SLC35D4: variants seen among roughly 807,000 people sequenced by gnomAD.
The protein encoded by SLC35D4 is UDP-N-acetylglucosamine transporter SLC35D4.
the SLC35D4 span, among the ~76,000 whole-genome samples, chr18:23,303,661 G>A: frequency 3.3e-5 from 5 of 152,380 alleles, 1 homozygote; most frequent in South Asian, 6.2e-4. Flanking sequence ...AGCACTTTGG[G>A]AGGCTGAGGT....
At chr18:23,336,442 T>A in the SLC35D4 span, among the ~76,000 whole-genome samples, 1 of 152,208 alleles carries the variant, frequency 6.6e-6, no homozygotes, top group African/African-American at 2.4e-5. Flanking sequence ...ATTATTCTTA[T>A]TGCCATAGCC....
the SLC35D4 span, among the ~76,000 whole-genome samples, chr18:23,322,174 C>T: frequency 6.6e-6 from 1 of 152,240 alleles, no homozygotes; most frequent in South Asian, 2.1e-4. Context: ...CACACAGTCT[C>T]TTCTCTTGAA....
At chr18:23,354,639 C>A in the SLC35D4 span, among the ~76,000 whole-genome samples, 4 of 152,128 alleles carry the variant, frequency 2.6e-5, no homozygotes, top group Non-Finnish European at 5.9e-5. Flanking sequence ...AAGGAAGTAA[C>A]AACTTCACAG....
the SLC35D4 span, among the ~76,000 whole-genome samples, chr18:23,375,298 CAGTATTT>C: frequency 6.6e-6 from 1 of 151,980 alleles, no homozygotes; most frequent in East Asian, 1.9e-4. Context: ...TTAGGAGACA[CAGTATTT>C]AGTATTTAGA....
the SLC35D4 span, among the ~76,000 whole-genome samples, chr18:23,310,560 G>A: frequency 6.6e-6 from 1 of 152,144 alleles, no homozygotes; most frequent in South Asian, 2.1e-4. Flanking sequence ...CTTCCATGGG[G>A]AAGGTAAGCT....
At chr18:23,315,885 A>C in the SLC35D4 span, among the ~76,000 whole-genome samples, 590 of 152,352 alleles carry the variant, frequency 3.9e-3, 6 homozygotes, top group African/African-American at 0.013. Flanking sequence ...GGTTGGAAGA[A>C]GGAAGGAACA....
the SLC35D4 span, among the ~76,000 whole-genome samples, chr18:23,371,945 T>G: frequency 6.8e-5 from 5 of 73,326 alleles, no homozygotes; most frequent in Admixed American, 1.5e-4. Context: ...GTTTTTTTTT[T>G]TTTTTTTTGA....
chr18:23,320,443 T>C, the SLC35D4 span, among the ~76,000 whole-genome samples: 2,480 of 152,362 alleles, frequency 0.016, 62 homozygotes, highest in African/African-American at 0.056. Flanking sequence ...TATCCAGTCA[T>C]TTTTAAGTTA....
chr18:23,261,071 T>G, the SLC35D4 span, among the ~76,000 whole-genome samples: 1 of 152,152 alleles, frequency 6.6e-6, no homozygotes, highest in South Asian at 2.1e-4. Context: ...GCTGCAAACC[T>G]AAGACTGGCA....
the SLC35D4 span, among the ~76,000 whole-genome samples, chr18:23,342,784 T>C: frequency 3.3e-5 from 5 of 152,246 alleles, no homozygotes; most frequent in Non-Finnish European, 2.9e-5. Context: ...TGATATCTCA[T>C]CATGGTTTCA....
At chr18:23,417,301 CA>C in the SLC35D4 span, among the ~76,000 whole-genome samples, 4 of 151,634 alleles carry the variant, frequency 2.6e-5, no homozygotes, top group Non-Finnish European at 4.4e-5. Flanking sequence ...AATGCATAAG[CA>C]AAATGTGATG....
At chr18:23,309,748 T>C in the SLC35D4 span, 2 of 1,613,974 alleles carry the variant, frequency 1.2e-6, no homozygotes, top group Non-Finnish European at 1.7e-6. Context: ...TGATTATCTG[T>C]AGAAATAATT....
At chr18:23,396,379 T>A in the SLC35D4 span, among the ~76,000 whole-genome samples, 2 of 152,212 alleles carry the variant, frequency 1.3e-5, no homozygotes, top group Non-Finnish European at 2.9e-5. Flanking sequence ...CTGTTTTCTA[T>A]CCAACACAAA....
chr18:23,343,986 C>T, the SLC35D4 span, among the ~76,000 whole-genome samples: 226 of 151,796 alleles, frequency 1.5e-3, 1 homozygote, highest in African/African-American at 5.3e-3. Flanking sequence ...GAAACCTCCA[C>T]CTCCCAGGTT....
the SLC35D4 span, among the ~76,000 whole-genome samples, chr18:23,393,147 C>T: frequency 2.6e-5 from 4 of 152,008 alleles, no homozygotes; most frequent in African/African-American, 9.7e-5. Flanking sequence ...GATCTCCTGA[C>T]TTCATGATCC....
At chr18:23,257,241 G>T in the SLC35D4 span, 9 of 1,604,090 alleles carry the variant, frequency 5.6e-6, no homozygotes, top group Non-Finnish European at 7.6e-6. Flanking sequence ...TGGAAGAGAA[G>T]TTCCGGCTGA....
At chr18:23,255,749 C>T in the SLC35D4 span, among the ~76,000 whole-genome samples, 1 of 151,750 alleles carries the variant, frequency 6.6e-6, no homozygotes, top group Non-Finnish European at 1.5e-5. Context: ...TTTATAGAGA[C>T]CAGGTCTTGC....
the SLC35D4 span, among the ~76,000 whole-genome samples, chr18:23,251,127 TTTC>T: frequency 6.6e-6 from 1 of 152,194 alleles, no homozygotes; most frequent in Non-Finnish European, 1.5e-5. Context: ...AAATCTGTCA[TTTC>T]TTCTTTCCTG....
the SLC35D4 span, among the ~76,000 whole-genome samples, chr18:23,252,085 C>CAAAA: frequency 1.4e-5 from 1 of 72,330 alleles, no homozygotes; most frequent in Non-Finnish European, 2.8e-5. Context: ...GACTCCGTCT[C>CAAAA]AAAAAAAAAA....
Sources: allele counts gnomAD v4.1 joint callset (sites outside exome capture counted in the v4.1 genomes callset), GRCh38; gene constraint gnomAD v4.1.1; transcripts MANE v1.5; gene names NCBI Gene and HGNC (gene_info 2026-07-23, HGNC 2026-07-21).